Variants in KHDRBS2 observed in about 807,000 individuals in gnomAD.
KHDRBS2 encodes the protein KH RNA binding domain containing, signal transduction associated 2.
KHDRBS2 carries 26 observed loss-of-function variants against 44.3 expected under a neutral mutation model. That is an observed-to-expected ratio of 0.59 (90% CI 0.43 to 0.81). The LOEUF is 0.81. Among genes scored for constraint, KHDRBS2 ranks in the 40% least tolerant of loss-of-function variants. The pLI is 0.00. For synonymous variants in KHDRBS2, 194 were observed against 151.1 expected, an observed-to-expected ratio of 1.28 and a Z score of -2.08; for missense variants, 476 against 433.1, an observed-to-expected ratio of 1.10 and a Z score of -0.88.
chr6:62,198,149 T>C (rs540383980), intron 1 of KHDRBS2, among the ~76,000 whole-genome samples: 12 of 152,032 alleles, frequency 7.9e-5, no homozygotes, highest in South Asian at 4.2e-4. Context: ...AGATCTAAAA[T>C]TGACACCCTA....
At position 61,823,522 on chromosome 6, in the gene KHDRBS2, A is replaced by G. The variant is rs1196634158; in HGVS notation, c.810+71113T>C. On this transcript the variant is annotated intron_variant, in intron 6 of 8. Coordinates refer to ENST00000281156, the MANE Select transcript of KHDRBS2 (RefSeq NM_152688.4). Reference sequence around the variant, plus strand: ...ATGTGCCAAGTGAGCAAGTTCAGAAATAGAATATTTCTTCCAGGATATTGT... The same window carrying G: ...ATGTGCCAAGTGAGCAAGTTCAGAAGTAGAATATTTCTTCCAGGATATTGT... 5.3e-5 allele frequency among the ~76,000 whole-genome samples: 8 copies of G among 152,228 alleles called. No homozygotes were observed. In the East Asian group the frequency reaches 1.5e-3, roughly 29 times the overall value.
At chr6:62,111,988 G>T (rs1395537634) in intron 2 of KHDRBS2, among the ~76,000 whole-genome samples, 1 of 152,106 alleles carries the variant, frequency 6.6e-6, no homozygotes, top group Admixed American at 6.6e-5. Context: ...AAGTTTCCTG[G>T]TGAAGCTGAT....
At chr6:61,975,556 A>T (rs1193736297) in intron 4 of KHDRBS2, among the ~76,000 whole-genome samples, 2 of 151,934 alleles carry the variant, frequency 1.3e-5, no homozygotes, top group Non-Finnish European at 2.9e-5. Flanking sequence ...TATGACTTTC[A>T]TTGATGGGAA....
chr6:62,251,668 T>C (rs1288147921), intron 1 of KHDRBS2, among the ~76,000 whole-genome samples: 4 of 151,934 alleles, frequency 2.6e-5, no homozygotes, highest in Non-Finnish European at 5.9e-5. Context: ...TCCCCAAAGA[T>C]AGGTTAGAGG....
chr6:61,954,808 A>G lies in KHDRBS2; in HGVS notation c.483+23258T>C, dbSNP rs1562513261. 2.2e-5 allele frequency among the ~76,000 whole-genome samples: 2 copies of G among 92,788 alleles called. 1 individual carries two copies. Among genetic ancestry groups the G allele is most frequent in the African/African-American group, 9.3e-5 (2 of 21,452 alleles). 60.9% of individuals were successfully genotyped at this position (92,788 alleles called of 152,430 possible). A position where few individuals can be genotyped will look rare whatever the true frequency, so the allele number is the denominator to read the frequency against. On this transcript the variant is annotated intron_variant, in intron 4 of 8. Transcript: ENST00000281156. ...TATACACATGCATATGTATGTATAC[A>G]TACGCATGTGTATATACACATGCAT...
At chr6:61,653,388 C>G in the KHDRBS2 span, among the ~76,000 whole-genome samples, 25 of 152,040 alleles carry the variant, frequency 1.6e-4, no homozygotes, top group Non-Finnish European at 2.9e-4. Context: ...GTAAATATTC[C>G]TAGTTCTAAA....
chr6:61,602,356 T>C, the KHDRBS2 span, among the ~76,000 whole-genome samples: 1 of 152,118 alleles, frequency 6.6e-6, no homozygotes, highest in Non-Finnish European at 1.5e-5. Context: ...CAGGACCGCC[T>C]ACCCCAGGAT....
In KHDRBS2 at chr6:62,107,799, A is replaced by G. The variant is rs190956600; in HGVS notation, c.220-59805T>C. ...CTCAGAAATAATGCCGCATATCTAC[A>G]ACTATCTGGTCTTTGACAAACCTGA... On this transcript the variant is annotated intron_variant, in intron 2 of 8. Coordinates refer to ENST00000281156, the MANE Select transcript of KHDRBS2 (RefSeq NM_152688.4). 9.9e-4 allele frequency among the ~76,000 whole-genome samples: 150 copies of G among 152,276 alleles called. 1 individual carries two copies. The highest frequency in any genetic ancestry group is 3.4e-3 in the African/African-American group (140 of 41,550).
intron 1 of KHDRBS2, among the ~76,000 whole-genome samples, chr6:62,225,304 G>A (rs1322991600): frequency 6.6e-6 from 1 of 152,124 alleles, no homozygotes; most frequent in East Asian, 1.9e-4. Flanking sequence ...ATTAGATGAA[G>A]AGTATCTTTA....
chr6:62,099,118 C>T (rs1801288535), intron 2 of KHDRBS2, among the ~76,000 whole-genome samples: 1 of 152,130 alleles, frequency 6.6e-6, no homozygotes, highest in Admixed American at 6.5e-5. Flanking sequence ...GAAATTACAT[C>T]TTCATTACTT....
At chr6:61,710,492 C>G (rs1200812906) in intron 7 of KHDRBS2, among the ~76,000 whole-genome samples, 1 of 151,482 alleles carries the variant, frequency 6.6e-6, no homozygotes, top group East Asian at 2.0e-4. Context: ...TTAATTCTAC[C>G]CAGCCTCTTC....
intron 6 of KHDRBS2, among the ~76,000 whole-genome samples, chr6:61,766,921 G>A (rs1780096802): frequency 6.6e-6 from 1 of 152,054 alleles, no homozygotes; most frequent in South Asian, 2.1e-4. Flanking sequence ...AGAAGAATGT[G>A]TATCCTGCAG....
chr6:61,909,756 G>A (rs570861769), intron 4 of KHDRBS2, among the ~76,000 whole-genome samples: 2 of 152,198 alleles, frequency 1.3e-5, no homozygotes, highest in Non-Finnish European at 2.9e-5. Context: ...TGTTATGATG[G>A]CATTTTGCCC....
the KHDRBS2 span, among the ~76,000 whole-genome samples, chr6:61,615,226 C>T: frequency 2.0e-5 from 1 of 49,192 alleles, no homozygotes; most frequent in Non-Finnish European, 4.1e-5. Flanking sequence ...GAGCAAGACT[C>T]CATCTCCAAA....
intron 4 of KHDRBS2, among the ~76,000 whole-genome samples, chr6:61,916,911 A>G (rs1807108149): frequency 6.6e-6 from 1 of 151,628 alleles, no homozygotes; most frequent in African/African-American, 2.4e-5. Flanking sequence ...CGGAAAATCC[A>G]GAACACTGAC....
chr6:61,568,870 C>T, the KHDRBS2 span, among the ~76,000 whole-genome samples: 4 of 152,138 alleles, frequency 2.6e-5, no homozygotes, highest in Admixed American at 6.5e-5. Context: ...AAGAATCTTC[C>T]AACTGAAATT....
chr6:62,243,755 C>T (rs1010614271), intron 1 of KHDRBS2, among the ~76,000 whole-genome samples: 2 of 152,066 alleles, frequency 1.3e-5, no homozygotes, highest in African/African-American at 2.4e-5. Context: ...TCATTTGGGG[C>T]TTCATCTACG....
chr6:61,906,656 G>C (rs754811341), intron 4 of KHDRBS2, among the ~76,000 whole-genome samples: 1 of 151,950 alleles, frequency 6.6e-6, no homozygotes, highest in Non-Finnish European at 1.5e-5. Context: ...TGTAAAATTT[G>C]TATTTCTGTG....
intron 6 of KHDRBS2, among the ~76,000 whole-genome samples, chr6:61,810,275 A>G (rs1415294339): frequency 6.6e-6 from 1 of 152,040 alleles, no homozygotes; most frequent in Non-Finnish European, 1.5e-5. Context: ...CTGAAGGGAC[A>G]TGATCAAGTG....
Sources: allele counts gnomAD v4.1 joint callset (sites outside exome capture counted in the v4.1 genomes callset), GRCh38; gene constraint gnomAD v4.1.1; transcripts MANE v1.5; gene names NCBI Gene and HGNC (gene_info 2026-07-23, HGNC 2026-07-21).